Variants in ST6GAL1 observed in about 807,000 individuals in gnomAD.
The protein encoded by ST6GAL1 is ST6 beta-galactoside alpha-2,6-sialyltransferase 1.
A neutral mutation model predicts 38.0 loss-of-function variants in ST6GAL1; 20 were observed. The observed-to-expected ratio is 0.53, with a 90% confidence interval of 0.37 to 0.77. ST6GAL1 has a LOEUF of 0.77. Ranked by LOEUF, ST6GAL1 falls within the 30% of genes least tolerant of loss-of-function variation. The pLI is 0.00. For synonymous variants in ST6GAL1, 196 were observed against 188.2 expected (o/e 1.04, Z -0.34); for missense variants, 432 against 496.4 (o/e 0.87, Z 1.23).
rs1216395309 is a variant in ST6GAL1, at chr3:186,969,056, T to C, written c.-183+5130T>C. ...TTTTTCTTTCTTCTCTTTTTCTTTTTTTTTTTTTTTTTTGAGACAGATTCT... is the reference window on the plus strand; with the variant it reads ...TTTTTCTTTCTTCTCTTTTTCTTTTCTTTTTTTTTTTTTGAGACAGATTCT... On this transcript the variant is annotated intron_variant, in intron 2 of 7. Coordinates refer to ENST00000169298, the MANE Select transcript of ST6GAL1 (RefSeq NM_173216.2). 2.4e-4 allele frequency among the ~76,000 whole-genome samples: 35 copies of C among 147,692 alleles called. 2 individuals are homozygous for C. Among genetic ancestry groups the C allele is most frequent in the Middle Eastern group, 6.9e-3 (2 of 290 alleles).
chr3:187,036,420 A>C (rs1717932634), intron 2 of ST6GAL1, among the ~76,000 whole-genome samples: 1 of 152,244 alleles, frequency 6.6e-6, no homozygotes, highest in Admixed American at 6.5e-5. Context: ...AAAGGAAATA[A>C]ATGTTTCTAC....
intron 2 of ST6GAL1, among the ~76,000 whole-genome samples, chr3:187,005,257 CT>C: frequency 7.7e-6 from 1 of 129,706 alleles, no homozygotes; most frequent in African/African-American, 2.8e-5. Context: ...ATCCATGTTT[CT>C]TTTTCTTTTT....
rs1716736525 is a variant in ST6GAL1 at position 187,005,057 on chromosome 3, G to C, written c.-182-33685G>C. On this transcript the variant is annotated intron_variant, in intron 2 of 7. Coordinates refer to ENST00000169298, the MANE Select transcript of ST6GAL1 (RefSeq NM_173216.2). ...AATAAGAAGTACATTTTATGGTATT[G>C]CAGTTTTTTTTTTAGGTCTTTCTTT... 2.1e-5 allele frequency among the ~76,000 whole-genome samples: 3 copies of C among 140,192 alleles called. No homozygotes were observed. The South Asian group carries it at 7.4e-4, about 35-fold the overall frequency. 92.0% of individuals were successfully genotyped at this position (140,192 alleles called of 152,430 possible).
rs183100580 is a variant in ST6GAL1 at position 186,959,587 on chromosome 3, G to A, written c.-324-4198G>A. On this transcript the variant is annotated intron_variant, in intron 1 of 7. Transcript: ENST00000169298. ...TTATTAGGTCTAGGACAGGAGCCCC[G>A]TAATGTTGGATCTGGGCTCCCCATA... Among the ~76,000 whole-genome samples, 4 of 152,182 alleles carry A rather than the reference G, an allele frequency of 2.6e-5. No individual in the cohort carries two copies. The East Asian group carries it at 5.8e-4, about 22-fold the overall frequency.
intron 5 of ST6GAL1, among the ~76,000 whole-genome samples, chr3:187,067,986 C>T (rs1719226882): frequency 6.6e-6 from 1 of 152,156 alleles, no homozygotes; most frequent in South Asian, 2.1e-4. Flanking sequence ...ACGTCCTTCC[C>T]CAAGAGCTGT....
At chr3:186,953,849 C>T (rs1048606414) in intron 1 of ST6GAL1, among the ~76,000 whole-genome samples, 5 of 149,838 alleles carry the variant, frequency 3.3e-5, no homozygotes, top group Admixed American at 6.7e-5. Flanking sequence ...TTTTAAGTTC[C>T]AGGATACATG....
intron 1 of ST6GAL1, among the ~76,000 whole-genome samples, chr3:186,934,812 G>C (rs1258106766): frequency 1.3e-5 from 2 of 151,448 alleles, no homozygotes; most frequent in Non-Finnish European, 2.9e-5. Context: ...TGTCACCCAG[G>C]CTGGAGTGCA....
intron 2 of ST6GAL1, among the ~76,000 whole-genome samples, chr3:187,001,121 G>A (rs1716602778): frequency 6.6e-6 from 1 of 152,182 alleles, no homozygotes; most frequent in Admixed American, 6.5e-5. Flanking sequence ...TGGCCATGTG[G>A]CTTCACTAAG....
chr3:186,987,194 G>A (rs531427017), intron 2 of ST6GAL1, among the ~76,000 whole-genome samples: 1 of 133,042 alleles, frequency 7.5e-6, no homozygotes, highest in Non-Finnish European at 1.6e-5. Context: ...GAGGGAGGGA[G>A]GGAGGGAAGG....
intron 2 of ST6GAL1, among the ~76,000 whole-genome samples, chr3:186,987,401 C>T (rs1715985870): frequency 6.6e-6 from 1 of 152,136 alleles, no homozygotes; most frequent in African/African-American, 2.4e-5. Context: ...AGGTCCACAG[C>T]TAACAATGGG....
At chr3:187,036,503 G>C (rs1402677371) in intron 2 of ST6GAL1, among the ~76,000 whole-genome samples, 1 of 152,174 alleles carries the variant, frequency 6.6e-6, no homozygotes, top group Non-Finnish European at 1.5e-5. Flanking sequence ...CAGCCTAGGT[G>C]CCCATCAGTG....
At chr3:187,042,581 T>C in intron 3 of ST6GAL1, 73 bp from the exon 4 acceptor site, 9 of 1,369,294 alleles carry the variant, frequency 6.6e-6, no homozygotes, top group East Asian at 2.3e-5. Flanking sequence ...TATTGCTCAG[T>C]CCATCGCTCC....
rs770801889 is a variant in ST6GAL1 at position 187,042,743 on chromosome 3, G to C, written c.40G>C (p.Val14Leu). ...TNLKKKFSCC[V>L]LVFLLFAVIC... ...CCTGAAGAAAAAGTTCAGCTGCTGCGTCCTGGTCTTTCTTCTGTTTGCAGT... is the reference window on the plus strand; with the variant it reads ...CCTGAAGAAAAAGTTCAGCTGCTGCCTCCTGGTCTTTCTTCTGTTTGCAGT... The change falls in exon 4 of 8, where the codon GTC becomes CTC. Residue 14 changes from valine (V) to leucine (L), a missense_variant. Transcript: ENST00000169298. 6.2e-7 allele frequency: 1 copy of C among 1,613,892 alleles called. No homozygotes were observed. Among genetic ancestry groups the C allele is most frequent in the Non-Finnish European group, 8.5e-7 (1 of 1,179,912 alleles).
At chr3:186,933,462 A>G (rs1579247239) in intron 1 of ST6GAL1, among the ~76,000 whole-genome samples, 1 of 152,046 alleles carries the variant, frequency 6.6e-6, no homozygotes, top group Admixed American at 6.5e-5. Flanking sequence ...GAACGCGGGT[A>G]CAAGCTATAA....
At position 187,075,867 on chromosome 3, in the gene ST6GAL1, G is replaced by T; in HGVS notation, c.*64G>T. 1 of 1,593,032 alleles carries T rather than the reference G, an allele frequency of 6.3e-7. No individual in the cohort carries two copies. Among genetic ancestry groups the T allele is most frequent in the South Asian group, 1.1e-5 (1 of 87,940 alleles). On this transcript the variant is annotated 3_prime_UTR_variant, in exon 8 of 8. Transcript: ENST00000169298. This position sits in a 1 kb window ranked among gnomAD's most constrained non-coding sequence, Gnocchi z 4.1. ...AATGGTCTCTTGGCCACCCCAGCCT[G>T]GGAAGAACATTTTCCTGAACAATTC...
In ST6GAL1 at chr3:186,952,003, C is replaced by G. The variant is rs1017474376; in HGVS notation, c.-324-11782C>G. On this transcript the variant is annotated intron_variant, in intron 1 of 7. Transcript: ENST00000169298. This position sits in a 1 kb window ranked among gnomAD's most constrained non-coding sequence, Gnocchi z 4.1. ...GTACTACTGTATGAGTCCATGTTGC[C>G]TTGCTATAAAGGAAAACCTGAGACT... is the stretch of plus-strand genomic sequence containing the variant. Among the ~76,000 whole-genome samples the G allele has an allele frequency of 1.2e-4, 19 of 152,108 alleles. No homozygotes were observed. Among genetic ancestry groups the G allele is most frequent in the African/African-American group, 4.1e-4 (17 of 41,410 alleles).
chr3:186,941,693 G>C (rs1284070838), intron 1 of ST6GAL1, among the ~76,000 whole-genome samples: 2 of 152,066 alleles, frequency 1.3e-5, no homozygotes, highest in Non-Finnish European at 2.9e-5. Flanking sequence ...GGAAGCCACT[G>C]CCGTGTTATA....
Position 186,976,432 on chromosome 3 carries a change from C to CT in ST6GAL1, c.-183+12517dup, listed in dbSNP as rs199550918. Reference sequence around the variant, plus strand: ...TTTACATACATCATTTTATTTCATTCTTTTTTTTTTTATTTGAGATAGCGT... The same window carrying CT: ...TTTACATACATCATTTTATTTCATTCTTTTTTTTTTTTATTTGAGATAGCGT... On this transcript the variant is annotated intron_variant, in intron 2 of 7. Coordinates refer to ENST00000169298, the MANE Select transcript of ST6GAL1 (RefSeq NM_173216.2). 3.3e-4 allele frequency among the ~76,000 whole-genome samples: 48 copies of CT among 147,038 alleles called. 1 individual carries two copies. The highest frequency in any genetic ancestry group is 5.5e-4 in the African/African-American group (22 of 40,266).
rs1553821484 is a variant in ST6GAL1 at position 186,984,740 on chromosome 3, T to TTCCCTTCCTCCCTTCCTTCCTTCCTTCTC, written c.-183+20819_-183+20820insTCCTCCCTTCCTTCCTTCCTTCTCTCCCT. On this transcript the variant is annotated intron_variant, in intron 2 of 7. Coordinates refer to ENST00000169298, the MANE Select transcript of ST6GAL1 (RefSeq NM_173216.2). ...TTCCCTTCCTCCCTTCCTTCCTTCC[T>TTCCCTTCCTCCCTTCCTTCCTTCCTTCTC]TCCCTCCCTCCCTCCCTCCCTCCCT... 1.5e-3 allele frequency among the ~76,000 whole-genome samples: 96 copies of TTCCCTTCCTCCCTTCCTTCCTTCCTTCTC among 63,874 alleles called. 9 individuals are homozygous for TTCCCTTCCTCCCTTCCTTCCTTCCTTCTC. The Middle Eastern group carries it at 0.022, about 14-fold the overall frequency. 41.9% of individuals were successfully genotyped at this position (63,874 alleles called of 152,430 possible).
Sources: gnomAD v4.1 joint callset for allele counts (sites outside exome capture counted in the v4.1 genomes callset) on GRCh38, gnomAD v4.1.1 for gene constraint, Gnocchi (gnomAD v3.1) non-coding constraint, MANE v1.5 for transcripts, NCBI Gene and HGNC (gene_info 2026-07-23, HGNC 2026-07-21) for gene names.